The following SYNDIG1 variants were observed in gnomAD, a reference collection of about 807,000 sequenced individuals.
The protein encoded by SYNDIG1 is synapse differentiation-inducing gene protein 1.
In SYNDIG1, 9 loss-of-function variants were observed where a neutral mutation model predicts 19.4. The ratio of observed to expected loss-of-function variants is 0.46; its 90% CI spans 0.28 to 0.81. The LOEUF (loss-of-function observed/expected upper bound fraction) is 0.81, where lower values mean the gene tolerates loss of function less well. Among genes scored for constraint, SYNDIG1 ranks in the 30% least tolerant of loss-of-function variants. The pLI, the probability that SYNDIG1 is intolerant of heterozygous loss-of-function variation, is 0.12. For synonymous variants in SYNDIG1, 141 were observed against 145.9 expected (o/e 0.97, Z 0.24); for missense variants, 311 against 343.3 (o/e 0.91, Z 0.74).
intron 3 of SYNDIG1, among the ~76,000 whole-genome samples, chr20:24,634,916 G>T (rs2059300222): frequency 6.6e-6 from 1 of 152,210 alleles, no homozygotes; most frequent in Non-Finnish European, 1.5e-5. Context: ...AGCATTGGTT[G>T]TGCGGTGTCT....
chr20:24,580,096 A>G (rs1194272222), intron 2 of SYNDIG1, among the ~76,000 whole-genome samples: 3 of 152,178 alleles, frequency 2.0e-5, no homozygotes, highest in African/African-American at 7.2e-5. Context: ...GGACCTCTGC[A>G]TGAATTGCAG....
intron 2 of SYNDIG1, among the ~76,000 whole-genome samples, chr20:24,556,861 A>C (rs975149068): frequency 4.6e-5 from 7 of 152,258 alleles, no homozygotes; most frequent in South Asian, 4.1e-4. Flanking sequence ...CTGCCTTGCT[A>C]GATTGGGGAA....
intron 2 of SYNDIG1, among the ~76,000 whole-genome samples, chr20:24,577,550 G>T (rs2058249394): frequency 6.6e-6 from 1 of 152,246 alleles, no homozygotes; most frequent in African/African-American, 2.4e-5. Flanking sequence ...GACCTCAAAG[G>T]CAGCTGGGTC....
chr20:24,497,343 G>C (rs146038342), intron 1 of SYNDIG1, among the ~76,000 whole-genome samples: 2 of 152,200 alleles, frequency 1.3e-5, no homozygotes, highest in East Asian at 3.9e-4. Context: ...TGGGACTACA[G>C]GTGTGTACCA....
At chr20:24,589,482 C>T (rs1035795760) in intron 3 of SYNDIG1, among the ~76,000 whole-genome samples, 1 of 152,232 alleles carries the variant, frequency 6.6e-6, no homozygotes, top group Non-Finnish European at 1.5e-5. Flanking sequence ...GAAAGGCTTG[C>T]AGGGGAGGAA....
chr20:24,483,916 T>G (rs1362299482), intron 1 of SYNDIG1, among the ~76,000 whole-genome samples: 1 of 151,984 alleles, frequency 6.6e-6, no homozygotes, highest in Non-Finnish European at 1.5e-5. Flanking sequence ...CAGCCAAGAC[T>G]CGGAATGCGA....
intron 3 of SYNDIG1, among the ~76,000 whole-genome samples, chr20:24,620,675 T>C (rs1175523133): frequency 2.6e-5 from 4 of 152,322 alleles, no homozygotes; most frequent in East Asian, 1.9e-4. Context: ...TGGAAGATTA[T>C]AAGGGATGGG....
chr20:24,648,342 T>C (rs1011822968), intron 3 of SYNDIG1, among the ~76,000 whole-genome samples: 1 of 152,228 alleles, frequency 6.6e-6, no homozygotes, highest in African/African-American at 2.4e-5. Context: ...GGGTGTGTCC[T>C]GGTGTCACCA....
At chr20:24,555,823 A>C (rs932279519) in intron 2 of SYNDIG1, among the ~76,000 whole-genome samples, 1 of 152,138 alleles carries the variant, frequency 6.6e-6, no homozygotes, top group African/African-American at 2.4e-5. Flanking sequence ...TATTAGGTCC[A>C]CTTGGTGCAG....
At chr20:24,566,304 A>G (rs1329037915) in intron 2 of SYNDIG1, among the ~76,000 whole-genome samples, 1 of 152,246 alleles carries the variant, frequency 6.6e-6, no homozygotes, top group Non-Finnish European at 1.5e-5. Flanking sequence ...CGCACACAGT[A>G]GGCACATAAT....
chr20:24,501,707 G>T (rs1302642564), intron 1 of SYNDIG1, among the ~76,000 whole-genome samples: 2 of 152,190 alleles, frequency 1.3e-5, no homozygotes, highest in Non-Finnish European at 2.9e-5. Context: ...GTATTTCATG[G>T]TAAGCTTAGT....
intron 3 of SYNDIG1, among the ~76,000 whole-genome samples, chr20:24,630,948 C>T (rs773118935): frequency 4.6e-5 from 7 of 152,218 alleles, no homozygotes; most frequent in Non-Finnish European, 8.8e-5. Flanking sequence ...AGCAGGATCA[C>T]ATGATGATTT....
At chr20:24,625,618 G>T (rs867135200) in intron 3 of SYNDIG1, among the ~76,000 whole-genome samples, 1 of 151,748 alleles carries the variant, frequency 6.6e-6, no homozygotes, top group African/African-American at 2.4e-5. Context: ...ATCTTGCACC[G>T]CCCTTAATCC....
At chr20:24,511,637 G>A (rs150669796) in intron 1 of SYNDIG1, among the ~76,000 whole-genome samples, 26 of 152,296 alleles carry the variant, frequency 1.7e-4, no homozygotes, top group African/African-American at 5.8e-4. Flanking sequence ...CACTGCGGCA[G>A]TATCAGCTTG....
At chr20:24,659,509 G>C (rs968383468) in intron 3 of SYNDIG1, among the ~76,000 whole-genome samples, 2 of 152,238 alleles carry the variant, frequency 1.3e-5, no homozygotes, top group Non-Finnish European at 2.9e-5. Flanking sequence ...GCTGGGTGGA[G>C]ACACAAGGGC....
rs34037240 is a variant in SYNDIG1, at chr20:24,595,556, A to C, written c.618+10563A>C. Among the ~76,000 whole-genome samples, 858 of 152,246 alleles carry C rather than the reference A, an allele frequency of 5.6e-3. 6 individuals are homozygous for C. The highest frequency in any genetic ancestry group is 8.6e-3 in the Non-Finnish European group (586 of 67,996). Reference sequence around the variant, plus strand: ...CCCTCCTCCTCCACTTTTTTGTAATAGTTTCAGTAGGAATCGTACCAGCTC... The same window carrying C: ...CCCTCCTCCTCCACTTTTTTGTAATCGTTTCAGTAGGAATCGTACCAGCTC... On this transcript the variant is annotated intron_variant, in intron 3 of 3. Transcript: ENST00000376862.
intron 2 of SYNDIG1, among the ~76,000 whole-genome samples, chr20:24,560,063 CT>C (rs60892856): frequency 4.6e-5 from 2 of 43,046 alleles, no homozygotes; most frequent in African/African-American, 1.5e-4. Flanking sequence ...CTCTCCTCTC[CT>C]TTTTTTTTTT....
chr20:24,656,490 G>A (rs1005997658), intron 3 of SYNDIG1, among the ~76,000 whole-genome samples: 16 of 152,378 alleles, frequency 1.1e-4, no homozygotes, highest in African/African-American at 3.8e-4. Context: ...AGGAGGGCCA[G>A]GAGGCGTTTG....
intron 2 of SYNDIG1, among the ~76,000 whole-genome samples, chr20:24,554,881 AC>A (rs1344458069): frequency 6.6e-6 from 1 of 151,750 alleles, no homozygotes; most frequent in Non-Finnish European, 1.5e-5. Flanking sequence ...AAGGAATAGT[AC>A]CAGTTCCTCC....
Sources: gnomAD v4.1 joint callset for allele counts (sites outside exome capture counted in the v4.1 genomes callset) on GRCh38, gnomAD v4.1.1 for gene constraint, MANE v1.5 for transcripts, NCBI Gene and HGNC (gene_info 2026-07-23, HGNC 2026-07-21) for gene names.